The following TRIM35 variants were observed in gnomAD, a reference collection of about 807,000 sequenced individuals.
TRIM35 encodes the protein E3 ubiquitin-protein ligase TRIM35.
A neutral mutation model predicts 49.1 loss-of-function variants in TRIM35; 37 were observed. The observed-to-expected ratio is 0.75, with a 90% confidence interval of 0.58 to 0.99. The LOEUF is 0.99. Among genes scored for constraint, TRIM35 ranks in the 50% least tolerant of loss-of-function variants. The pLI, the probability that TRIM35 is intolerant of heterozygous loss-of-function variation, is 0.00. For synonymous variants in TRIM35, 302 were observed against 289.3 expected, an observed-to-expected ratio of 1.04 and a Z score of -0.45; for missense variants, 648 against 702.7, an observed-to-expected ratio of 0.92 and a Z score of 0.88.
At position 27,311,221 on chromosome 8, in the gene TRIM35, G is replaced by T. The variant is rs550965138; in HGVS notation, c.15C>A (p.Pro5=). The change falls in exon 1 of 6, where the codon CCC becomes CCA. Residue 5 remains proline (P), a synonymous_variant. Transcript: ENST00000305364. MERS[P]DVSPGPSRSF... is the part of the protein sequence containing the mutation. ...AGCGGGAAGGCCCGGGGGACACGTC[G>T]GGACTCCGCTCCATGGCACGAGCAG... 5.8e-6 allele frequency: 9 copies of T among 1,562,550 alleles called. No individual in the cohort carries two copies. The South Asian group carries it at 1.1e-4, about 18-fold the overall frequency.
At position 27,285,924 on chromosome 8, in the gene TRIM35, C is replaced by A; in HGVS notation, c.*1626G>T. On this transcript the variant is annotated 3_prime_UTR_variant, in exon 6 of 6. Coordinates refer to ENST00000305364, the MANE Select transcript of TRIM35 (RefSeq NM_171982.5). Reference sequence around the variant, plus strand: ...TGGTTTGCCAACATCCTCACCACGCCCAATCCAGCCCCTTCACACACTGAC... The same window carrying A: ...TGGTTTGCCAACATCCTCACCACGCACAATCCAGCCCCTTCACACACTGAC... 1 of 346,410 alleles carries A rather than the reference C, an allele frequency of 2.9e-6. No homozygotes were observed. The highest frequency in any genetic ancestry group is 5.7e-6 in the Non-Finnish European group (1 of 175,176). The allele number at this position is 346,410 out of a possible 1,614,324, so 21.5% of individuals were successfully genotyped here. A position where few individuals can be genotyped will look rare whatever the true frequency, so the allele number is the denominator to read the frequency against.
At chr8:27,296,154 CTT>C (rs563260897) in intron 2 of TRIM35, among the ~76,000 whole-genome samples, 89 of 129,284 alleles carry the variant, frequency 6.9e-4, no homozygotes, top group Admixed American at 9.3e-4. Context: ...GGGTGATTCT[CTT>C]TTTTTTTTTT....
rs1802333963 is a variant in TRIM35, at chr8:27,286,883, G to C, written c.*667C>G. 1 of 152,614 alleles carries C rather than the reference G, an allele frequency of 6.6e-6. No homozygotes were observed. Among genetic ancestry groups the C allele is most frequent in the African/African-American group, 2.4e-5 (1 of 41,410 alleles). 9.5% of individuals were successfully genotyped at this position (152,614 alleles called of 1,614,324 possible). ...TGGCGCCAGCTGCCTCCTTCACATG[G>C]CTCTCCCAGGGCTGTCACACCCCAG... On this transcript the variant is annotated 3_prime_UTR_variant, in exon 6 of 6. Transcript: ENST00000305364.
intron 1 of TRIM35, among the ~76,000 whole-genome samples, chr8:27,308,511 C>T (rs955228285): frequency 6.6e-6 from 1 of 152,178 alleles, no homozygotes; most frequent in Non-Finnish European, 1.5e-5. Context: ...TTACCCAGTC[C>T]CTTCTTACCA....
intron 2 of TRIM35, among the ~76,000 whole-genome samples, chr8:27,296,732 G>A (rs1397222341): frequency 6.6e-6 from 1 of 152,216 alleles, no homozygotes; most frequent in East Asian, 1.9e-4. Context: ...ATGACTCCAC[G>A]ATGACTACTG....
intron 1 of TRIM35, among the ~76,000 whole-genome samples, chr8:27,300,165 C>A (rs1053110313): frequency 1.3e-5 from 2 of 152,120 alleles, no homozygotes; most frequent in South Asian, 2.1e-4. Context: ...GCTAACAGCC[C>A]GTGAAGACCT....
intron 1 of TRIM35, among the ~76,000 whole-genome samples, chr8:27,308,360 CT>C (rs1802830461): frequency 6.6e-6 from 1 of 152,220 alleles, no homozygotes; most frequent in African/African-American, 2.4e-5. Flanking sequence ...ATGATTTTGA[CT>C]TTGCTGTTCC....
intron 4 of TRIM35, 86 bp from the exon 5 acceptor site, chr8:27,289,366 C>T (rs1458852518): frequency 9.2e-7 from 1 of 1,089,204 alleles, no homozygotes; most frequent in Non-Finnish European, 1.4e-6. Flanking sequence ...AGCAACAGGA[C>T]TTGTTCCCTT....
Position 27,289,287 on chromosome 8 carries a change from A to G in TRIM35, c.786-7T>C. ...CTCCATGGTGCAGAAGAGTCTGGAA[A>G]AGTACAATGGGTATGGTGGGCAGGG... On this transcript the variant is annotated splice_polypyrimidine_tract_variant and splice_region_variant and intron_variant, in intron 4 of 5. Coordinates refer to ENST00000305364, the MANE Select transcript of TRIM35 (RefSeq NM_171982.5). 1.2e-6 allele frequency: 2 copies of G among 1,612,956 alleles called. No homozygotes were observed. The highest frequency in any genetic ancestry group is 2.2e-5 in the South Asian group (2 of 91,050).
intron 2 of TRIM35, 24 bp from the exon 3 acceptor site, chr8:27,294,334 CAG>C: frequency 6.2e-7 from 1 of 1,606,162 alleles, no homozygotes; most frequent in Non-Finnish European, 8.5e-7. Flanking sequence ...CAGGAGGAGT[CAG>C]GGGTCAGATG....
chr8:27,308,503 AC>A (rs1284111616), intron 1 of TRIM35, among the ~76,000 whole-genome samples: 1 of 152,124 alleles, frequency 6.6e-6, no homozygotes, highest in African/African-American at 2.4e-5. Flanking sequence ...ACAGCTTCTT[AC>A]CCAGTCCCTT....
rs574630642 is a variant in TRIM35 at position 27,299,704 on chromosome 8, C to T, written c.436-1145G>A. On this transcript the variant is annotated intron_variant, in intron 1 of 5. Transcript: ENST00000305364. ...CAATAAATTATACAGATGTGTCGCC[C>T]AAAGCCTCATTCCCATCTGGACCTG... Among the ~76,000 whole-genome samples, 4 of 152,308 alleles carry T rather than the reference C, an allele frequency of 2.6e-5. No individual in the cohort carries two copies. In the East Asian group the frequency reaches 7.7e-4, roughly 29 times the overall value.
At chr8:27,303,049 A>G (rs1219599237) in intron 1 of TRIM35, among the ~76,000 whole-genome samples, 1 of 152,224 alleles carries the variant, frequency 6.6e-6, no homozygotes, top group African/African-American at 2.4e-5. Flanking sequence ...ATTAAATGTG[A>G]TATTTGCTGT....
intron 2 of TRIM35, among the ~76,000 whole-genome samples, chr8:27,295,449 G>A (rs1306890464): frequency 6.6e-6 from 1 of 152,160 alleles, no homozygotes; most frequent in Admixed American, 6.5e-5. Context: ...TTATGATGGG[G>A]TTACATCCCA....
rs758641007 is a variant in TRIM35 at position 27,287,534 on chromosome 8, G to A, written c.*16C>T. ...AACAGTGCTGTGGCACAAGACCGGG[G>A]CAGCCCCGGGCCAGCTCAGCCATCC... On this transcript the variant is annotated 3_prime_UTR_variant, in exon 6 of 6. Transcript: ENST00000305364. This position sits in a 1 kb window ranked among gnomAD's most constrained non-coding sequence, Gnocchi z 6.0. 1 of 1,541,268 alleles carries A rather than the reference G, an allele frequency of 6.5e-7. No homozygotes were observed. The highest frequency in any genetic ancestry group is 8.8e-7 in the Non-Finnish European group (1 of 1,142,102).
At chr8:27,288,919 G>A (rs557371576) in intron 5 of TRIM35, among the ~76,000 whole-genome samples, 1 of 152,174 alleles carries the variant, frequency 6.6e-6, no homozygotes, top group Non-Finnish European at 1.5e-5. Flanking sequence ...TCTGAAGAAG[G>A]GACCAAGTGT....
intron 1 of TRIM35, among the ~76,000 whole-genome samples, chr8:27,306,725 T>C (rs1802794084): frequency 6.6e-6 from 1 of 152,206 alleles, no homozygotes. Flanking sequence ...AGGTAAAGAA[T>C]GTGCCGGACC....
intron 1 of TRIM35, among the ~76,000 whole-genome samples, chr8:27,303,244 TG>T (rs1430553557): frequency 6.6e-6 from 1 of 152,258 alleles, no homozygotes; most frequent in Non-Finnish European, 1.5e-5. Context: ...TTCATTTAAC[TG>T]GAGTATTTAA....
intron 1 of TRIM35, among the ~76,000 whole-genome samples, chr8:27,309,327 T>C (rs1336629733): frequency 6.6e-6 from 1 of 152,192 alleles, no homozygotes; most frequent in Non-Finnish European, 1.5e-5. Flanking sequence ...GATCTGTCAC[T>C]TCTGCCAGTG....
Sources: allele counts gnomAD v4.1 joint callset (sites outside exome capture counted in the v4.1 genomes callset), GRCh38; gene constraint gnomAD v4.1.1; non-coding constraint Gnocchi (gnomAD v3.1); transcripts MANE v1.5; gene names NCBI Gene and HGNC (gene_info 2026-07-23, HGNC 2026-07-21).